The following FADS2 variants were observed in gnomAD, a reference collection of about 807,000 sequenced individuals.
FADS2 encodes acyl-CoA 6-desaturase.
In FADS2, 18 loss-of-function variants were observed where a neutral mutation model predicts 61.2. The ratio of observed to expected loss-of-function variants is 0.29; its 90% confidence interval spans 0.20 to 0.44. The LOEUF (loss-of-function observed/expected upper bound fraction) is 0.44. Ranked by LOEUF, FADS2 falls within the 20% of genes least tolerant of loss-of-function variation. The probability of loss-of-function intolerance (pLI) is 1.00; values close to 1 mark genes in which losing one functional copy is unlikely to be tolerated. For missense variants in FADS2, 322 were observed against 572.7 expected, an observed-to-expected ratio of 0.56 and a Z score of 4.47; for synonymous variants, 203 against 223.9, an observed-to-expected ratio of 0.91 and a Z score of 0.83.
chr11:61,824,095 A>G (rs926522339), upstream of FADS2, among the ~76,000 whole-genome samples: 6 of 151,868 alleles, frequency 4.0e-5, no homozygotes, highest in African/African-American at 1.5e-4. Context: ...AGAAATCACT[A>G]TCTCCGCTGG....
At chr11:61,845,800 A>G (rs1240700194) in intron 4 of FADS2, among the ~76,000 whole-genome samples, 1 of 151,982 alleles carries the variant, frequency 6.6e-6, no homozygotes, top group Non-Finnish European at 1.5e-5. Context: ...AAAAAAAAAA[A>G]AAAATGGAAG....
chr11:61,848,701 C>T (rs1270475384), intron 5 of FADS2: 2 of 172,118 alleles, frequency 1.2e-5, no homozygotes, highest in Non-Finnish European at 2.5e-5. Flanking sequence ...AATCTTGTTC[C>T]AGTTCAGCAG....
intron 7 of FADS2, 103 bp from the exon 8 acceptor site, chr11:61,862,869 C>A (rs2067429995): frequency 1.1e-6 from 1 of 899,420 alleles, no homozygotes; most frequent in Non-Finnish European, 1.8e-6. Flanking sequence ...TGCGGTCCAG[C>A]TTCTAGAGGC....
chr11:61,828,836 G>A lies in FADS2; in HGVS notation c.207+239G>A, dbSNP rs1829164618. On this transcript the variant is annotated intron_variant, in intron 1 of 11. Transcript: ENST00000278840. This position sits in a 1 kb window ranked among gnomAD's most constrained non-coding sequence, Gnocchi z 6.4. ...GCGGCGCTGCGGTGAAAGTCCCAGC[G>A]GTGGAGAACAGGGCAAGCATCTACC... The A allele has an allele frequency of 5.7e-6, 3 of 524,460 alleles. No homozygotes were observed. The African/African-American group carries it at 5.8e-5, about 10-fold the overall frequency. The allele number at this position is 524,460 out of a possible 1,614,324, so 32.5% of individuals were successfully genotyped here.
chr11:61,828,019 A>G, upstream of FADS2: 2 of 1,103,028 alleles, frequency 1.8e-6, no homozygotes, highest in Non-Finnish European at 2.2e-6. This position sits in a 1 kb window ranked among gnomAD's most constrained non-coding sequence, Gnocchi z 6.4. Context: ...GCGGCGGGGA[A>G]CGCGGGAGGA....
At chr11:61,848,347 G>A (rs1027627757) in intron 5 of FADS2, 63 bp downstream of exon 5, 13 of 1,605,106 alleles carry the variant, frequency 8.1e-6, no homozygotes, top group South Asian at 2.2e-5. Flanking sequence ...GCAGACCATC[G>A]AGGTACAACT....
chr11:61,863,844 A>G, intron 10 of FADS2, 58 bp downstream of exon 10: 6 of 1,344,100 alleles, frequency 4.5e-6, no homozygotes, highest in Non-Finnish European at 6.4e-6. Flanking sequence ...AGTGGCCGCT[A>G]TCCCACTGGG....
Position 61,857,508 on chromosome 11 carries a change from T to C in FADS2, c.860T>C (p.Met287Thr). 4.3e-6 allele frequency: 7 copies of C among 1,613,914 alleles called. No homozygotes were observed. The highest frequency in any genetic ancestry group is 5.9e-6 in the Non-Finnish European group (7 of 1,179,888). The change falls in exon 7 of 12, where the codon ATG becomes ACG. Residue 287 changes from methionine to threonine, a missense_variant. Around this residue, in one of 3 missense-constraint regions of FADS2, gnomAD observed 221 missense variants for 427.9 expected, o/e 0.52. Transcript: ENST00000278840. ...TTCCAGTACCAGATCATCATGACCA[T>C]GATCGTCCATAAGAACTGGGTGGTG... ...MYFQYQIIMT[M>T]IVHKNWVDLA...
intron 1 of FADS2, among the ~76,000 whole-genome samples, chr11:61,817,938 A>T (rs1331089359): frequency 6.6e-6 from 1 of 152,166 alleles, no homozygotes; most frequent in Non-Finnish European, 1.5e-5. Context: ...CAATTAACCT[A>T]ATTTACAGTG....
At chr11:61,826,312 G>A, upstream of FADS2, 1 of 702,546 alleles carries the variant, frequency 1.4e-6, no homozygotes, top group South Asian at 1.5e-5. Context: ...TGTGCTGGGA[G>A]CCGCTGGGGA....
chr11:61,854,177 C>G (rs927296112), intron 5 of FADS2: 9 of 152,362 alleles, frequency 5.9e-5, no homozygotes, highest in African/African-American at 2.2e-4. Context: ...CTTGGGCTTT[C>G]TCTGTGTGTG....
At chr11:61,843,278 G>A (rs174584) in intron 4 of FADS2, among the ~76,000 whole-genome samples, 58,950 of 151,940 alleles carry the variant, frequency 0.39, 12,097 homozygotes, top group East Asian at 0.56. Context: ...AAAAATAAAA[G>A]AATTAGCCGG....
In FADS2 at chr11:61,816,919, C is replaced by A; in HGVS notation, c.141+493C>A. 1 of 1,399,764 alleles carries A rather than the reference C, an allele frequency of 7.1e-7. No homozygotes were observed. The highest frequency in any genetic ancestry group is 1.6e-5 in the South Asian group (1 of 64,192). The allele number at this position is 1,399,764 out of a possible 1,614,324, so 86.7% of individuals were successfully genotyped here. A position where few individuals can be genotyped will look rare whatever the true frequency, so the allele number is the denominator to read the frequency against. ...GGGCAGACCGGCGGGCCTCGCAGCG[C>A]GCGTTCCCATTGGCCGAGCCTCGTG... On this transcript the variant is annotated intron_variant, in intron 1 of 11. Coordinates refer to the FADS2 transcript ENST00000257261. This position sits in a 1 kb window ranked among gnomAD's most constrained non-coding sequence, Gnocchi z 7.0.
chr11:61,863,165 G>T, intron 8 of FADS2, 96 bp downstream of exon 8: 1 of 1,440,368 alleles, frequency 6.9e-7, no homozygotes, highest in Non-Finnish European at 9.8e-7. Flanking sequence ...CTTTGCCTGG[G>T]GACCTCCCAT....
chr11:61,840,755 C>G, intron 4 of FADS2, 30 bp downstream of exon 4: 1 of 1,521,988 alleles, frequency 6.6e-7, no homozygotes, highest in East Asian at 2.3e-5. Flanking sequence ...GGCATCTGTC[C>G]TGTTGGACAG....
chr11:61,858,957 T>C (rs1352394878), intron 7 of FADS2, among the ~76,000 whole-genome samples: 2 of 152,232 alleles, frequency 1.3e-5, no homozygotes, highest in Non-Finnish European at 2.9e-5. Context: ...ATCCAGTCTT[T>C]CTCAGCAGTC....
At chr11:61,820,881 C>T (rs540337358) in intron 1 of FADS2, among the ~76,000 whole-genome samples, 1 of 152,160 alleles carries the variant, frequency 6.6e-6, no homozygotes, top group Non-Finnish European at 1.5e-5. Flanking sequence ...GCCTGGGTGA[C>T]AGAGCCAGAC....
chr11:61,837,321 G>A (rs888501043), intron 1 of FADS2, among the ~76,000 whole-genome samples: 1 of 151,992 alleles, frequency 6.6e-6, no homozygotes, highest in Admixed American at 6.6e-5. Context: ...GGTAGTATTC[G>A]GTCTTGTCCT....
chr11:61,832,512 G>T (rs1037956736), intron 1 of FADS2, among the ~76,000 whole-genome samples: 1 of 152,226 alleles, frequency 6.6e-6, no homozygotes, highest in Non-Finnish European at 1.5e-5. Context: ...GGTTGCCTTT[G>T]TAGGGGCCTG....
Sources: allele counts gnomAD v4.1 joint callset (sites outside exome capture counted in the v4.1 genomes callset), GRCh38; gene constraint gnomAD v4.1.1; regional missense constraint gnomAD v4.1.1; non-coding constraint Gnocchi (gnomAD v3.1); transcripts MANE v1.5; gene names NCBI Gene and HGNC (gene_info 2026-07-23, HGNC 2026-07-21).